Variants in EFCAB6 observed in about 807,000 individuals in gnomAD.
EFCAB6 encodes the protein EF-hand calcium binding domain 6.
EFCAB6 carries 156 observed loss-of-function variants against 169.8 expected under a neutral mutation model. The ratio of observed to expected loss-of-function variants is 0.92; its 90% CI spans 0.81 to 1.05. EFCAB6 has a LOEUF of 1.05. EFCAB6 is among the 50% of genes least tolerant of loss of function. The probability of loss-of-function intolerance (pLI) is 0.00; values close to 1 mark genes in which losing one functional copy is unlikely to be tolerated. For synonymous variants in EFCAB6, 698 were observed against 676.4 expected (o/e 1.03, Z -0.50); for missense variants, 1,800 against 1,829.1 (o/e 0.98, Z 0.29).
At position 43,537,580 on chromosome 22, in the gene EFCAB6, T is replaced by G. The variant is rs747725685; in HGVS notation, c.3880-35A>C. ...AAGAAAAGAAAAGGCTCTTTTCACT[T>G]AAGATTTAAAACGGAAGTCATCAAA... is the stretch of plus-strand genomic sequence containing the variant. On this transcript the variant is annotated intron_variant, in intron 28 of 31. Transcript: ENST00000262726. This position sits in a 1 kb window ranked among gnomAD's most constrained non-coding sequence, Gnocchi z 4.3. 18 of 1,574,054 alleles carry G rather than the reference T, an allele frequency of 1.1e-5. No homozygotes were observed. Among genetic ancestry groups the G allele is most frequent in the Non-Finnish European group, 1.4e-5 (16 of 1,156,280 alleles).
chr22:43,607,684 C>G (rs571138801), intron 22 of EFCAB6, among the ~76,000 whole-genome samples: 3 of 152,322 alleles, frequency 2.0e-5, no homozygotes, highest in African/African-American at 7.2e-5. Flanking sequence ...CCACTTTGAA[C>G]AGATGAAAAT....
At chr22:43,776,879 T>A (rs2061657804) in intron 3 of EFCAB6, among the ~76,000 whole-genome samples, 1 of 152,154 alleles carries the variant, frequency 6.6e-6, no homozygotes, top group Non-Finnish European at 1.5e-5. Flanking sequence ...ATACAGCCTC[T>A]GTGTGGGGTT....
At chr22:43,644,482 T>C (rs2056021769) in intron 17 of EFCAB6, among the ~76,000 whole-genome samples, 2 of 152,218 alleles carry the variant, frequency 1.3e-5, no homozygotes, top group Non-Finnish European at 2.9e-5. Flanking sequence ...TTCTAGTTCC[T>C]AGGCTAAATC....
At chr22:43,655,559 C>T (rs1197275741) in intron 17 of EFCAB6, among the ~76,000 whole-genome samples, 3 of 146,796 alleles carry the variant, frequency 2.0e-5, no homozygotes, top group Non-Finnish European at 4.5e-5. Context: ...TAAAAGAAGG[C>T]AACAAAGGAC....
At chr22:43,804,894 G>A (rs1242496516) in intron 2 of EFCAB6, among the ~76,000 whole-genome samples, 1 of 151,970 alleles carries the variant, frequency 6.6e-6, no homozygotes, top group Non-Finnish European at 1.5e-5. Context: ...AAGAAAAAAA[G>A]AGAGAAGACC....
chr22:43,551,383 G>C (rs571359022), intron 27 of EFCAB6, among the ~76,000 whole-genome samples: 4 of 152,122 alleles, frequency 2.6e-5, no homozygotes, highest in Admixed American at 6.6e-5. Context: ...AAGTAATTAC[G>C]GTCTTTACTT....
intron 4 of EFCAB6, among the ~76,000 whole-genome samples, chr22:43,771,292 A>C (rs1185705817): frequency 6.6e-6 from 1 of 152,118 alleles, no homozygotes; most frequent in Non-Finnish European, 1.5e-5. Context: ...TTAGCTGGGC[A>C]TGGTGGCACA....
Position 43,555,044 on chromosome 22 carries a change from G to C in EFCAB6, c.3473C>G (p.Pro1158Arg). The change falls in exon 27 of 32, where the codon CCC (proline) becomes CGC (arginine). Residue 1158 changes from proline to arginine, a missense_variant. Transcript: ENST00000262726. ...KMPKGPPPTS[P>R]KATADRDILA... ...GATGTCTCTGTCGGCTGTGGCCTTG[G>C]GAGAGGTAGGCGGCGGGCCTTTGGG... 6.2e-7 allele frequency: 1 copy of C among 1,614,252 alleles called. No individual in the cohort carries two copies. Among genetic ancestry groups the C allele is most frequent in the Non-Finnish European group, 8.5e-7 (1 of 1,180,044 alleles).
chr22:43,658,127 G>A (rs2056834799), intron 17 of EFCAB6, among the ~76,000 whole-genome samples: 1 of 152,128 alleles, frequency 6.6e-6, no homozygotes, highest in African/African-American at 2.4e-5. Flanking sequence ...TATTTGGGAG[G>A]CTGAGGCAGA....
chr22:43,655,006 T>C lies in EFCAB6; in HGVS notation c.1983+12098A>G, dbSNP rs2056664604. 2.0e-5 allele frequency among the ~76,000 whole-genome samples: 3 copies of C among 152,212 alleles called. No individual in the cohort carries two copies. In the South Asian group the frequency reaches 6.2e-4, roughly 32 times the overall value. On this transcript the variant is annotated intron_variant, in intron 17 of 31. Transcript: ENST00000262726. ...GGCGCTGTGGCTCACACCTATAATC[T>C]TAGCACTTTGGGAGGCTGAGCCGAG...
chr22:43,543,107 G>A (rs767313032), intron 27 of EFCAB6, among the ~76,000 whole-genome samples: 3 of 152,182 alleles, frequency 2.0e-5, no homozygotes, highest in Non-Finnish European at 2.9e-5. Flanking sequence ...GCCCATGAGC[G>A]CGGGGTCACA....
chr22:43,601,034 T>G (rs2052483132), intron 22 of EFCAB6, among the ~76,000 whole-genome samples: 1 of 152,218 alleles, frequency 6.6e-6, no homozygotes, highest in East Asian at 1.9e-4. Context: ...AAAAAATTCT[T>G]CAAAAAGCAT....
In EFCAB6 at chr22:43,667,169, T is replaced by C; in HGVS notation, c.1918A>G (p.Lys640Glu). The C allele has an allele frequency of 6.2e-7, 1 of 1,614,180 alleles. No individual in the cohort carries two copies. Among genetic ancestry groups the C allele is most frequent in the East Asian group, 2.2e-5 (1 of 44,888 alleles). The change falls in exon 17 of 32, where the codon AAA (lysine) becomes GAA (glutamate). Residue 640 changes from lysine (K) to glutamate (E), a missense_variant. Transcript: ENST00000262726. ...TTGCTGAAGTCAAGAAATCGTTTTT[T>C]GAATGCCGGGTCCTGCTGCTGTATA... The part of the protein sequence containing the change: ...KCIQQQDPAF[K>E]KRFLDFSKEP...
At chr22:43,529,419 A>G (rs2046926909) in intron 31 of EFCAB6, among the ~76,000 whole-genome samples, 1 of 152,206 alleles carries the variant, frequency 6.6e-6, no homozygotes, top group South Asian at 2.1e-4. Flanking sequence ...AGCCTGGAGC[A>G]GAGCCTGCTG....
At chr22:43,574,390 C>T (rs1373051429) in intron 26 of EFCAB6, among the ~76,000 whole-genome samples, 2 of 152,120 alleles carry the variant, frequency 1.3e-5, no homozygotes, top group Admixed American at 1.3e-4. Context: ...CGGCTTGCCA[C>T]TCCTTGCTGA....
At chr22:43,672,883 T>TA (rs35239951) in intron 13 of EFCAB6, among the ~76,000 whole-genome samples, 41,471 of 150,836 alleles carry the variant, frequency 0.27, 6,758 homozygotes, top group East Asian at 0.63. Context: ...AAATAAAAGT[T>TA]AAAAAAAAAT....
chr22:43,782,860 C>T (rs1247234976), intron 2 of EFCAB6, among the ~76,000 whole-genome samples: 1 of 152,116 alleles, frequency 6.6e-6, no homozygotes, highest in African/African-American at 2.4e-5. Context: ...CATTTATTCC[C>T]CCAAAATGGC....
Position 43,656,378 on chromosome 22 carries a change from G to C in EFCAB6, c.1983+10726C>G, listed in dbSNP as rs563404953. On this transcript the variant is annotated intron_variant, in intron 17 of 31. Coordinates refer to ENST00000262726, the MANE Select transcript of EFCAB6 (RefSeq NM_022785.4). ...TTGCACTCCAGCCTGGGCAACAAGA[G>C]CAAAACGCCATCTAAAAAAAAAAAA... Among the ~76,000 whole-genome samples, 159 of 150,556 alleles carry C rather than the reference G, an allele frequency of 1.1e-3. 1 individual carries two copies. In the Middle Eastern group the frequency reaches 0.014, roughly 13 times the overall value.
At chr22:43,550,671 C>CAA (rs955666013) in intron 27 of EFCAB6, among the ~76,000 whole-genome samples, 24 of 73,976 alleles carry the variant, frequency 3.2e-4, no homozygotes, top group Admixed American at 1.4e-3. Context: ...GACTCTGTCT[C>CAA]AAAAAAAAAA....
Sources: gnomAD v4.1 joint callset for allele counts (sites outside exome capture counted in the v4.1 genomes callset) on GRCh38, gnomAD v4.1.1 for gene constraint, Gnocchi (gnomAD v3.1) non-coding constraint, MANE v1.5 for transcripts, NCBI Gene and HGNC (gene_info 2026-07-23, HGNC 2026-07-21) for gene names.